The following TSHZ2 variants were observed in gnomAD, a reference collection of about 807,000 sequenced individuals.
TSHZ2 encodes the protein teashirt homolog 2.
In TSHZ2, 21 loss-of-function variants were observed where a neutral mutation model predicts 74.4. The observed-to-expected ratio is 0.28, with a 90% CI of 0.20 to 0.41. The LOEUF (loss-of-function observed/expected upper bound fraction) is 0.41, where lower values mean the gene tolerates loss of function less well. Among genes scored for constraint, TSHZ2 ranks in the 10% least tolerant of loss-of-function variants. The probability of loss-of-function intolerance (pLI) is 1.00; values close to 1 mark genes in which losing one functional copy is unlikely to be tolerated. For missense variants in TSHZ2, 1,244 were observed against 1,293.5 expected (o/e 0.96, Z 0.59); for synonymous variants, 540 against 515.3 (o/e 1.05, Z -0.65).
At chr20:53,380,163 T>TGTGTGTGTGCGC (rs3971382) in intron 2 of TSHZ2, among the ~76,000 whole-genome samples, 59 of 151,056 alleles carry the variant, frequency 3.9e-4, no homozygotes, top group African/African-American at 1.4e-3. Context: ...TGTGTGTGTG[T>TGTGTGTGTGCGC]GCACACGCAT....
intron 1 of TSHZ2, among the ~76,000 whole-genome samples, chr20:53,099,767 T>TAA (rs1177797555): frequency 6.6e-6 from 1 of 152,064 alleles, no homozygotes; most frequent in Non-Finnish European, 1.5e-5. Context: ...ACGACAAGAG[T>TAA]ATGGGGGAAA....
At chr20:53,157,033 G>T (rs1720830325) in intron 1 of TSHZ2, among the ~76,000 whole-genome samples, 1 of 152,118 alleles carries the variant, frequency 6.6e-6, no homozygotes, top group South Asian at 2.1e-4. Flanking sequence ...GTGACTCCTG[G>T]CATCACATGC....
chr20:53,390,994 T>C (rs566463127), intron 2 of TSHZ2, among the ~76,000 whole-genome samples: 10 of 152,330 alleles, frequency 6.6e-5, no homozygotes, highest in Middle Eastern at 3.4e-3. Flanking sequence ...CCATAGATAA[T>C]ATATAAACAA....
intron 1 of TSHZ2, among the ~76,000 whole-genome samples, chr20:52,998,230 G>A (rs1345114522): frequency 2.6e-5 from 4 of 152,142 alleles, no homozygotes; most frequent in Admixed American, 6.5e-5. Flanking sequence ...ATGCAATGGC[G>A]TGATCTTGGC....
intron 2 of TSHZ2, among the ~76,000 whole-genome samples, chr20:53,386,372 C>T (rs562251715): frequency 9.8e-5 from 15 of 152,340 alleles, no homozygotes; most frequent in East Asian, 9.6e-4. Context: ...GAGGAGCTCA[C>T]GGTACAGGAA....
intron 1 of TSHZ2, among the ~76,000 whole-genome samples, chr20:53,170,648 G>A (rs905167786): frequency 5.3e-5 from 8 of 152,210 alleles, no homozygotes; most frequent in African/African-American, 7.2e-5. Flanking sequence ...GTCTCCAGAC[G>A]CTGGCAAATG....
chr20:53,403,972 A>C (rs977213524), intron 2 of TSHZ2, among the ~76,000 whole-genome samples: 6 of 152,228 alleles, frequency 3.9e-5, no homozygotes, highest in African/African-American at 7.2e-5. Context: ...AGGAAAAAGC[A>C]GTCTTTTAAT....
At position 53,164,957 on chromosome 20, in the gene TSHZ2, A is replaced by G. The variant is rs1487218448; in HGVS notation, c.41-88542A>G. The stretch of plus-strand genomic sequence containing the variant: ...TTTGAGATGCAAGGATCCTTGATTG[A>G]TGGTTATATGATCACCACTTTCATT... On this transcript the variant is annotated intron_variant, in intron 1 of 2. Coordinates refer to ENST00000371497, the MANE Select transcript of TSHZ2 (RefSeq NM_173485.6). Among the ~76,000 whole-genome samples the G allele has an allele frequency of 3.9e-5, 6 of 152,204 alleles. No homozygotes were observed. The East Asian group carries it at 9.6e-4, about 24-fold the overall frequency.
chr20:53,190,112 TATATATATATATATATA>T (rs1230460089), intron 1 of TSHZ2, among the ~76,000 whole-genome samples: 1 of 83,758 alleles, frequency 1.2e-5, no homozygotes, highest in African/African-American at 5.1e-5. Flanking sequence ...TATATATATA[TATATATATATATATATA>T]TATATATATT....
intron 2 of TSHZ2, among the ~76,000 whole-genome samples, chr20:53,429,721 T>C (rs1016005675): frequency 6.6e-6 from 1 of 152,220 alleles, no homozygotes; most frequent in Non-Finnish European, 1.5e-5. Flanking sequence ...AGGGGATTCC[T>C]GGCACTTGAT....
rs570337957 is a variant in TSHZ2 at position 53,422,962 on chromosome 20, C to T, written c.*9-64182C>T. Reference sequence around the variant, plus strand: ...GCTATTAAGGGCATTACCTACTTAACTCCTCAATGCGTTCTTAGTCCCCAT... The same window carrying T: ...GCTATTAAGGGCATTACCTACTTAATTCCTCAATGCGTTCTTAGTCCCCAT... On this transcript the variant is annotated intron_variant, in intron 2 of 2. Transcript: ENST00000371497. 3.9e-5 allele frequency among the ~76,000 whole-genome samples: 6 copies of T among 152,282 alleles called. No individual in the cohort carries two copies. The South Asian group carries it at 8.3e-4, about 21-fold the overall frequency.
chr20:53,445,125 A>G (rs1984500595), intron 2 of TSHZ2, among the ~76,000 whole-genome samples: 1 of 152,224 alleles, frequency 6.6e-6, no homozygotes, highest in Admixed American at 6.5e-5. Context: ...AGAAACTTGA[A>G]GTGTAAGGAA....
chr20:53,030,853 C>CT (rs1043696640), intron 1 of TSHZ2, among the ~76,000 whole-genome samples: 6 of 152,056 alleles, frequency 3.9e-5, no homozygotes, highest in Non-Finnish European at 5.9e-5. Flanking sequence ...GTTTTACAAT[C>CT]TTTTTTTTCC....
At chr20:53,119,916 A>T (rs1347750333) in intron 1 of TSHZ2, among the ~76,000 whole-genome samples, 1 of 152,216 alleles carries the variant, frequency 6.6e-6, no homozygotes, top group Admixed American at 6.5e-5. Flanking sequence ...AATAAGGAAG[A>T]TGTAGCCAAG....
At chr20:53,362,185 T>C (rs1437126732) in intron 2 of TSHZ2, among the ~76,000 whole-genome samples, 1 of 35,918 alleles carries the variant, frequency 2.8e-5, no homozygotes, top group Admixed American at 2.0e-4. Flanking sequence ...CAGTTTGTTG[T>C]TTTTTTGTTT....
chr20:53,492,422 T>A lies in TSHZ2; in HGVS notation c.*5287T>A, dbSNP rs1451395349. 1 of 152,236 alleles carries A rather than the reference T, an allele frequency of 6.6e-6. No individual in the cohort carries two copies. The highest frequency in any genetic ancestry group is 2.4e-5 in the African/African-American group (1 of 41,460). 9.4% of individuals were successfully genotyped at this position (152,236 alleles called of 1,614,324 possible). On this transcript the variant is annotated 3_prime_UTR_variant, in exon 3 of 3. Coordinates refer to ENST00000371497, the MANE Select transcript of TSHZ2 (RefSeq NM_173485.6). ...GTTTCGCAATACAATACTTGAGCTT[T>A]CGAACACCTCAGACACTAGAATGTG...
chr20:53,309,898 C>T (rs1298748581), intron 2 of TSHZ2, among the ~76,000 whole-genome samples: 2 of 152,186 alleles, frequency 1.3e-5, no homozygotes, highest in Non-Finnish European at 1.5e-5. Flanking sequence ...GGCTCATGAT[C>T]AAATGAGTAT....
intron 1 of TSHZ2, among the ~76,000 whole-genome samples, chr20:53,220,238 T>G (rs541943632): frequency 2.0e-5 from 3 of 152,310 alleles, no homozygotes; most frequent in African/African-American, 7.2e-5. Flanking sequence ...TTGGGGTAAT[T>G]GGAGCAAAAA....
At chr20:53,141,234 C>T (rs1987394123) in intron 1 of TSHZ2, among the ~76,000 whole-genome samples, 1 of 152,202 alleles carries the variant, frequency 6.6e-6, no homozygotes, top group Non-Finnish European at 1.5e-5. Flanking sequence ...GGAGCCACCC[C>T]AGGCCAGCAG....
Sources: allele counts gnomAD v4.1 joint callset (sites outside exome capture counted in the v4.1 genomes callset), GRCh38; gene constraint gnomAD v4.1.1; transcripts MANE v1.5; gene names NCBI Gene and HGNC (gene_info 2026-07-23, HGNC 2026-07-21).